NCAM2: variants seen among roughly 807,000 people sequenced by gnomAD.
NCAM2 encodes the protein N-CAM-2.
NCAM2 carries 30 observed loss-of-function variants against 98.1 expected under a neutral mutation model. The observed-to-expected ratio is 0.31, with a 90% CI of 0.23 to 0.41. The LOEUF is 0.41. NCAM2 is among the 10% of genes least tolerant of loss of function. The probability of loss-of-function intolerance (pLI) is 1.00; values close to 1 mark genes in which losing one functional copy is unlikely to be tolerated. For missense variants in NCAM2, 867 were observed against 1,005.8 expected (o/e 0.86, Z 1.87); for synonymous variants, 368 against 342.4 (o/e 1.07, Z -0.83).
chr21:21,002,055 A>G (rs2064028956), intron 1 of NCAM2, among the ~76,000 whole-genome samples: 2 of 152,158 alleles, frequency 1.3e-5, no homozygotes, highest in South Asian at 4.1e-4. Flanking sequence ...ATTCTTTGAT[A>G]TCAGCCTCTC....
chr21:21,154,062 A>G lies in NCAM2; in HGVS notation c.56-126516A>G, dbSNP rs573309355. 3.9e-5 allele frequency among the ~76,000 whole-genome samples: 6 copies of G among 152,008 alleles called. No homozygotes were observed. In the South Asian group the frequency reaches 1.0e-3, roughly 26 times the overall value. On this transcript the variant is annotated intron_variant, in intron 1 of 17. Transcript: ENST00000400546. ...GAGGTCATATTATTTTTAGCATGCA[A>G]ATTTGGAGATGCCTGCTGCATGTTC...
intron 9 of NCAM2, among the ~76,000 whole-genome samples, chr21:21,408,501 T>G (rs2076789382): frequency 6.6e-6 from 1 of 152,196 alleles, no homozygotes; most frequent in African/African-American, 2.4e-5. Context: ...TAAAGCTGTT[T>G]TATCTTCCTG....
intron 1 of NCAM2, among the ~76,000 whole-genome samples, chr21:21,116,202 C>T (rs373134603): frequency 1.7e-4 from 26 of 152,098 alleles, no homozygotes; most frequent in African/African-American, 5.5e-4. Context: ...ATGTGCTTGA[C>T]GAGAAGTGAA....
At chr21:21,208,672 G>A (rs1276827661) in intron 1 of NCAM2, among the ~76,000 whole-genome samples, 1 of 151,944 alleles carries the variant, frequency 6.6e-6, no homozygotes, top group African/African-American at 2.4e-5. Flanking sequence ...GGAGATTATT[G>A]TAGAGGAGAC....
At chr21:21,203,405 G>A (rs1228816282) in intron 1 of NCAM2, among the ~76,000 whole-genome samples, 2 of 152,142 alleles carry the variant, frequency 1.3e-5, no homozygotes, top group African/African-American at 4.8e-5. Context: ...GCCTGTAAGT[G>A]TAAACCACCC....
intron 1 of NCAM2, chr21:21,147,106 C>A (rs1421393807): frequency 2.0e-6 from 2 of 977,282 alleles, no homozygotes; most frequent in African/African-American, 3.6e-5. Context: ...GGAACTCATA[C>A]CCTTTGCCTT....
At chr21:21,366,163 T>C (rs2075779859) in intron 8 of NCAM2, among the ~76,000 whole-genome samples, 1 of 152,088 alleles carries the variant, frequency 6.6e-6, no homozygotes, top group South Asian at 2.1e-4. Context: ...TTTTCCACTT[T>C]GGGAGATTTA....
chr21:21,289,794 G>A (rs866839336), intron 4 of NCAM2, among the ~76,000 whole-genome samples: 40 of 151,870 alleles, frequency 2.6e-4, no homozygotes, highest in African/African-American at 8.7e-4. Flanking sequence ...TCATTAAAGG[G>A]ATTTAATCAA....
At chr21:21,401,414 T>G (rs547333770) in intron 9 of NCAM2, among the ~76,000 whole-genome samples, 1 of 152,308 alleles carries the variant, frequency 6.6e-6, no homozygotes, top group East Asian at 1.9e-4. Flanking sequence ...AAAACTTACT[T>G]CTGTTGTCTA....
intron 15 of NCAM2, among the ~76,000 whole-genome samples, chr21:21,486,326 A>AAAAAAAAAC (rs1986381064): frequency 6.6e-6 from 1 of 151,058 alleles, no homozygotes; most frequent in Non-Finnish European, 1.5e-5. Flanking sequence ...AAAAAAAAAA[A>AAAAAAAAAC]AACTTCTGCT....
chr21:21,487,027 C>T (rs994718087), intron 15 of NCAM2, among the ~76,000 whole-genome samples: 2 of 152,026 alleles, frequency 1.3e-5, no homozygotes, highest in Admixed American at 6.6e-5. Context: ...TAAAAATATT[C>T]TCAGAGATGG....
At chr21:21,445,770 C>G (rs1980035480) in intron 12 of NCAM2, among the ~76,000 whole-genome samples, 2 of 151,986 alleles carry the variant, frequency 1.3e-5, no homozygotes, top group South Asian at 4.2e-4. Flanking sequence ...GGTCTTGACT[C>G]TTTATCCACT....
chr21:21,095,568 A>C (rs2066104792), intron 1 of NCAM2, among the ~76,000 whole-genome samples: 1 of 151,626 alleles, frequency 6.6e-6, no homozygotes, highest in Admixed American at 6.6e-5. Flanking sequence ...GAGGAAAAAT[A>C]AGTAAGTGAG....
intron 1 of NCAM2, among the ~76,000 whole-genome samples, chr21:21,043,198 C>G (rs1403589563): frequency 6.6e-6 from 1 of 152,062 alleles, no homozygotes; most frequent in African/African-American, 2.4e-5. Flanking sequence ...AAAGTTCGTG[C>G]CATTATCAAA....
At chr21:21,037,411 C>G (rs556790264) in intron 1 of NCAM2, among the ~76,000 whole-genome samples, 2 of 152,268 alleles carry the variant, frequency 1.3e-5, no homozygotes, top group East Asian at 1.9e-4. Flanking sequence ...TTAAAAACTA[C>G]TAAGCCAGTT....
chr21:21,099,809 G>T (rs146258885), intron 1 of NCAM2, among the ~76,000 whole-genome samples: 2 of 151,822 alleles, frequency 1.3e-5, no homozygotes, highest in African/African-American at 2.4e-5. Context: ...TTATATTAGC[G>T]ATCCCAGTTC....
chr21:21,218,414 T>A (rs2069997562), intron 1 of NCAM2, among the ~76,000 whole-genome samples: 1 of 152,120 alleles, frequency 6.6e-6, no homozygotes, highest in African/African-American at 2.4e-5. Flanking sequence ...AGTTAAAGGT[T>A]GTTGTAGGCA....
At chr21:21,129,908 T>C (rs1248175458) in intron 1 of NCAM2, among the ~76,000 whole-genome samples, 1 of 152,188 alleles carries the variant, frequency 6.6e-6, no homozygotes, top group African/African-American at 2.4e-5. Context: ...AATTTTGGAC[T>C]TAGAAAATGC....
At chr21:21,000,709 A>G (rs902715484) in intron 1 of NCAM2, among the ~76,000 whole-genome samples, 1 of 152,102 alleles carries the variant, frequency 6.6e-6, no homozygotes, top group African/African-American at 2.4e-5. Flanking sequence ...ACACAGATAT[A>G]TATCAGAGAG....
Sources: allele counts gnomAD v4.1 joint callset (sites outside exome capture counted in the v4.1 genomes callset), GRCh38; gene constraint gnomAD v4.1.1; transcripts MANE v1.5; gene names NCBI Gene and HGNC (gene_info 2026-07-23, HGNC 2026-07-21).